The following PLCXD3 variants were observed in gnomAD, a reference collection of about 807,000 sequenced individuals.
PLCXD3 encodes the protein phosphatidylinositol specific phospholipase C X domain containing 3.
PLCXD3 carries 19 observed loss-of-function variants against 25.5 expected under a neutral mutation model. That is an observed-to-expected ratio of 0.75 (90% CI 0.52 to 1.09). The LOEUF is 1.09. Ranked by LOEUF, PLCXD3 falls within the 50% of genes least tolerant of loss-of-function variation. The probability of loss-of-function intolerance (pLI) is 0.00; values close to 1 mark genes in which losing one functional copy is unlikely to be tolerated. For synonymous variants in PLCXD3, 174 were observed against 137.6 expected (o/e 1.26, Z -1.85); for missense variants, 411 against 388.1 (o/e 1.06, Z -0.50).
At chr5:41,452,744 C>A (rs917746405) in intron 1 of PLCXD3, among the ~76,000 whole-genome samples, 3 of 151,994 alleles carry the variant, frequency 2.0e-5, no homozygotes, top group African/African-American at 4.8e-5. Context: ...GCAATGCTGG[C>A]AAGCTCAGCT....
chr5:41,510,468 G>T lies in PLCXD3; in HGVS notation c.59C>A (p.Pro20Gln), dbSNP rs766543977. Residue 20 changes from proline (P) to glutamine (Q), a missense_variant, in exon 1 of 3, where the codon CCG (proline) becomes CAG (glutamine). By Grantham distance (76) the Pro-to-Gln change is moderately conservative (BLOSUM62 -1). Coordinates refer to ENST00000377801, the MANE Select transcript of PLCXD3 (RefSeq NM_001005473.3). ...GAGGGGGATGCTGTGCATGCTCTCC[G>T]GCAGAGTTGCCATCCAGTCGGCTAA... Reference protein sequence around the residue: ...LKLADWMATLPESMHSIPLTN... With the variant: ...LKLADWMATLQESMHSIPLTN... The T allele has an allele frequency of 1.2e-6, 2 of 1,612,374 alleles. No homozygotes were observed. Among genetic ancestry groups the T allele is most frequent in the Non-Finnish European group, 1.7e-6 (2 of 1,179,174 alleles).
chr5:41,409,601 TC>T (rs1237312619), intron 1 of PLCXD3, among the ~76,000 whole-genome samples: 3 of 152,254 alleles, frequency 2.0e-5, no homozygotes, highest in Admixed American at 6.5e-5. Context: ...GCTTCAAGTT[TC>T]ATTTTATTTA....
At chr5:41,351,671 G>T (rs183449097) in intron 2 of PLCXD3, among the ~76,000 whole-genome samples, 1 of 152,036 alleles carries the variant, frequency 6.6e-6, no homozygotes. Context: ...GATTAAGATC[G>T]CTTCCAGTTC....
intron 2 of PLCXD3, among the ~76,000 whole-genome samples, chr5:41,325,775 G>T (rs1743608464): frequency 6.6e-6 from 1 of 152,092 alleles, no homozygotes. Context: ...TCTGTTTGGG[G>T]CTGCTATAAC....
At chr5:41,386,453 G>A (rs942482997) in intron 1 of PLCXD3, among the ~76,000 whole-genome samples, 5 of 152,020 alleles carry the variant, frequency 3.3e-5, no homozygotes, top group African/African-American at 1.2e-4. Context: ...ATTTGGTATG[G>A]TAGGAAGATT....
intron 2 of PLCXD3, among the ~76,000 whole-genome samples, chr5:41,363,446 C>G (rs1356227141): frequency 6.6e-6 from 1 of 152,150 alleles, no homozygotes; most frequent in Admixed American, 6.5e-5. Flanking sequence ...ACAGATGACT[C>G]TAAAGTAGTG....
At chr5:41,409,798 C>T (rs779761684) in intron 1 of PLCXD3, among the ~76,000 whole-genome samples, 20 of 152,138 alleles carry the variant, frequency 1.3e-4, no homozygotes, top group Non-Finnish European at 2.4e-4. Context: ...CCTCAACATC[C>T]TCATCTATAA....
chr5:41,331,690 C>G (rs1223612678), intron 2 of PLCXD3, among the ~76,000 whole-genome samples: 1 of 152,172 alleles, frequency 6.6e-6, no homozygotes, highest in African/African-American at 2.4e-5. Flanking sequence ...TGACTTCAAA[C>G]TATACTACAA....
chr5:41,314,512 G>T (rs1410156719), intron 2 of PLCXD3, among the ~76,000 whole-genome samples: 1 of 152,198 alleles, frequency 6.6e-6, no homozygotes, highest in African/African-American at 2.4e-5. Flanking sequence ...AGAAGATTAG[G>T]AATCTGCAGG....
rs115856055 is a variant in PLCXD3, at chr5:41,503,886, G to A, written c.103+6538C>T. Among the ~76,000 whole-genome samples the A allele has an allele frequency of 4.8e-3, 738 of 152,190 alleles. 3 individuals are homozygous for A. Among genetic ancestry groups the A allele is most frequent in the African/African-American group, 0.016 (659 of 41,530 alleles). ...GGTTTCCAAAAACTAATATTTTTGGGCAAGAGGCATCCTCACTGGTGGTAA... is the reference window on the plus strand; with the variant it reads ...GGTTTCCAAAAACTAATATTTTTGGACAAGAGGCATCCTCACTGGTGGTAA... On this transcript the variant is annotated intron_variant, in intron 1 of 2. Transcript: ENST00000377801.
At position 41,510,553 on chromosome 5, in the gene PLCXD3, G is replaced by T. The variant is rs1327654149; in HGVS notation, c.-27C>A. 1.3e-6 allele frequency: 2 copies of T among 1,586,676 alleles called. No individual in the cohort carries two copies. Among genetic ancestry groups the T allele is most frequent in the Non-Finnish European group, 1.7e-6 (2 of 1,157,604 alleles). On this transcript the variant is annotated 5_prime_UTR_variant, in exon 1 of 3. Coordinates refer to ENST00000377801, the MANE Select transcript of PLCXD3 (RefSeq NM_001005473.3). ...GTGCCAGTCGGCGTGCAGCGCGCTG[G>T]TCCCAGCACTCCTCGGGCAGGCTGG... is the stretch of plus-strand genomic sequence containing the variant.
At chr5:41,398,872 G>A (rs1236154074) in intron 1 of PLCXD3, among the ~76,000 whole-genome samples, 1 of 152,152 alleles carries the variant, frequency 6.6e-6, no homozygotes, top group Admixed American at 6.6e-5. Flanking sequence ...TCAGACAAGA[G>A]AAAGACTTAA....
chr5:41,478,830 C>A (rs1002661831), intron 1 of PLCXD3, among the ~76,000 whole-genome samples: 6 of 152,076 alleles, frequency 3.9e-5, no homozygotes, highest in African/African-American at 1.4e-4. Context: ...AGGAAACTTA[C>A]AATAGTGGCA....
chr5:41,482,354 G>A (rs1748431544), intron 1 of PLCXD3, among the ~76,000 whole-genome samples: 1 of 152,168 alleles, frequency 6.6e-6, no homozygotes, highest in African/African-American at 2.4e-5. Context: ...AATTGTCTTT[G>A]TAGGGCTTTG....
Position 41,382,403 on chromosome 5 carries a change from T to G in PLCXD3, c.235A>C (p.Thr79Pro). 1 of 1,613,520 alleles carries G rather than the reference T, an allele frequency of 6.2e-7. No individual in the cohort carries two copies. The highest frequency in any genetic ancestry group is 8.5e-7 in the Non-Finnish European group (1 of 1,179,704). ...TGGCCAGTAAAATTCATTGTCTGAG[T>G]GGCTAACCATTTCCGCATGAGCTTT... ...AKKLMRKWLA[T>P]QTMNFTGQLG... Residue 79 changes from threonine to proline, a missense_variant, in exon 2 of 3, where the codon ACT (threonine) becomes CCT (proline). Coordinates refer to ENST00000377801, the MANE Select transcript of PLCXD3 (RefSeq NM_001005473.3).
intron 1 of PLCXD3, chr5:41,456,587 C>T: frequency 3.4e-6 from 3 of 892,112 alleles, no homozygotes; most frequent in Non-Finnish European, 4.0e-6. Context: ...TGTGTCCCCC[C>T]TGACACTCCA....
chr5:41,326,115 C>T (rs1017850905), intron 2 of PLCXD3, among the ~76,000 whole-genome samples: 1 of 152,148 alleles, frequency 6.6e-6, no homozygotes, highest in East Asian at 1.9e-4. Flanking sequence ...ACATTTGGAT[C>T]ACAGCAAAGA....
At chr5:41,392,046 GAAGGTAGACCTAT>G (rs916554643) in intron 1 of PLCXD3, among the ~76,000 whole-genome samples, 1 of 152,166 alleles carries the variant, frequency 6.6e-6, no homozygotes, top group African/African-American at 2.4e-5. Flanking sequence ...CAGTAAAACA[GAAGGTAGACCTAT>G]AAGGTTTTTG....
chr5:41,496,763 T>C (rs1235466983), intron 1 of PLCXD3, among the ~76,000 whole-genome samples: 1 of 150,362 alleles, frequency 6.7e-6, no homozygotes, highest in East Asian at 1.9e-4. Flanking sequence ...TGTAACTTAA[T>C]GGTAAAGATA....
Sources: gnomAD v4.1 joint callset for allele counts (sites outside exome capture counted in the v4.1 genomes callset) on GRCh38, gnomAD v4.1.1 for gene constraint, MANE v1.5 for transcripts, NCBI Gene and HGNC (gene_info 2026-07-23, HGNC 2026-07-21) for gene names.